KCNH1: variants seen among roughly 807,000 people sequenced by gnomAD.
KCNH1 encodes potassium voltage-gated channel subfamily H member 1.
Under a neutral mutation model 69.2 loss-of-function variants are expected in KCNH1, and 27 were observed. The ratio of observed to expected loss-of-function variants is 0.39; its 90% CI spans 0.29 to 0.54. KCNH1 has a LOEUF of 0.54. Among genes scored for constraint, KCNH1 ranks in the 20% least tolerant of loss-of-function variants. The pLI is 0.68. For synonymous variants in KCNH1, 456 were observed against 487.7 expected, an observed-to-expected ratio of 0.93 and a Z score of 0.86; for missense variants, 798 against 1,261.6, an observed-to-expected ratio of 0.63 and a Z score of 5.57.
chr1:210,718,251 CTATAAATAT>C (rs71146243), intron 10 of KCNH1, among the ~76,000 whole-genome samples: 55,470 of 122,988 alleles, frequency 0.45, 13,763 homozygotes, highest in African/African-American at 0.58. Flanking sequence ...ACTAAGTCTT[CTATAAATAT>C]TATAAATATA....
chr1:211,044,501 C>T (rs1191633674), intron 5 of KCNH1, among the ~76,000 whole-genome samples: 1 of 152,154 alleles, frequency 6.6e-6, no homozygotes, highest in African/African-American at 2.4e-5. Flanking sequence ...AAAATCTTCA[C>T]AATCTATACA....
chr1:210,871,268 A>C (rs1052142961), intron 7 of KCNH1, among the ~76,000 whole-genome samples: 22 of 152,232 alleles, frequency 1.4e-4, no homozygotes, highest in African/African-American at 5.3e-4. Context: ...TCTCTAAAGA[A>C]GACATTTATG....
chr1:210,718,467 A>G (rs374854012), intron 10 of KCNH1, among the ~76,000 whole-genome samples: 712 of 28,738 alleles, frequency 0.025, 166 homozygotes, highest in Non-Finnish European at 0.032. Context: ...ACATATATGT[A>G]TATATATAAA....
intron 5 of KCNH1, among the ~76,000 whole-genome samples, chr1:211,075,714 T>G (rs922014123): frequency 1.3e-5 from 2 of 152,170 alleles, no homozygotes; most frequent in African/African-American, 4.8e-5. Flanking sequence ...ACCTGGTTCA[T>G]TTCATTGGGA....
At chr1:211,035,658 G>C (rs1689884028) in intron 5 of KCNH1, among the ~76,000 whole-genome samples, 1 of 152,014 alleles carries the variant, frequency 6.6e-6, no homozygotes, top group African/African-American at 2.4e-5. Context: ...ATCTGACCTG[G>C]GATCTTACAT....
intron 6 of KCNH1, among the ~76,000 whole-genome samples, chr1:210,923,069 A>G (rs1687499543): frequency 6.6e-6 from 1 of 150,664 alleles, no homozygotes; most frequent in South Asian, 2.2e-4. Flanking sequence ...AAGAGATTAA[A>G]ACGACAGTGT....
At chr1:211,035,809 C>T (rs1689886737) in intron 5 of KCNH1, among the ~76,000 whole-genome samples, 1 of 152,198 alleles carries the variant, frequency 6.6e-6, no homozygotes, top group African/African-American at 2.4e-5. Context: ...TATTTCACAG[C>T]TAGTTAACTA....
At chr1:211,013,201 C>A (rs1041901855) in intron 6 of KCNH1, among the ~76,000 whole-genome samples, 1 of 152,176 alleles carries the variant, frequency 6.6e-6, no homozygotes, top group Non-Finnish European at 1.5e-5. Flanking sequence ...AAGTAATGAA[C>A]GTTGGTCCAA....
chr1:210,907,105 T>C (rs1048604106), intron 7 of KCNH1, among the ~76,000 whole-genome samples: 3 of 152,174 alleles, frequency 2.0e-5, no homozygotes, highest in Non-Finnish European at 2.9e-5. Flanking sequence ...AAATTTAAAA[T>C]TGTAACTTGG....
chr1:210,697,698 C>T (rs1354420314), intron 10 of KCNH1, among the ~76,000 whole-genome samples: 1 of 152,208 alleles, frequency 6.6e-6, no homozygotes, highest in Non-Finnish European at 1.5e-5. Flanking sequence ...TCCTTCTGGC[C>T]CATGGCCAGG....
Position 210,934,616 on chromosome 1 carries a change from G to A in KCNH1, c.1033-14547C>T, listed in dbSNP as rs1051766484. 1.3e-4 allele frequency among the ~76,000 whole-genome samples: 20 copies of A among 152,002 alleles called. 1 individual carries two copies. In the South Asian group the frequency reaches 3.1e-3, roughly 24 times the overall value. On this transcript the variant is annotated intron_variant, in intron 6 of 10. Coordinates refer to ENST00000271751, the MANE Select transcript of KCNH1 (RefSeq NM_172362.3). ...AGCGTGCCACTGCACTCCAGCCTGG[G>A]TGACAGAGCAAGACTCCGTCTCAAA...
chr1:210,952,990 C>T (rs1375137552), intron 6 of KCNH1, among the ~76,000 whole-genome samples: 1 of 152,070 alleles, frequency 6.6e-6, no homozygotes, highest in Admixed American at 6.6e-5. Flanking sequence ...TTATAATGTG[C>T]TATTATAGCT....
chr1:210,969,915 G>C (rs1165264150), intron 6 of KCNH1, among the ~76,000 whole-genome samples: 2 of 151,252 alleles, frequency 1.3e-5, no homozygotes, highest in Non-Finnish European at 2.9e-5. Flanking sequence ...TTTTGTTTTT[G>C]AGACAGGGTT....
chr1:210,731,082 G>C (rs553900416), intron 10 of KCNH1, among the ~76,000 whole-genome samples: 2 of 152,310 alleles, frequency 1.3e-5, no homozygotes, highest in African/African-American at 4.8e-5. Flanking sequence ...GAAAAGGTTT[G>C]AGAGTTATCT....
At chr1:210,722,129 A>G (rs1682483501) in intron 10 of KCNH1, among the ~76,000 whole-genome samples, 1 of 152,220 alleles carries the variant, frequency 6.6e-6, no homozygotes, top group South Asian at 2.1e-4. Context: ...AAAGACATAA[A>G]AAAGAAAATC....
At chr1:211,109,790 C>A (rs574794303) in intron 1 of KCNH1, among the ~76,000 whole-genome samples, 14 of 149,588 alleles carry the variant, frequency 9.4e-5, no homozygotes, top group African/African-American at 3.4e-4. Context: ...GAAGAAGCAG[C>A]AATATTATAG....
At chr1:210,748,592 A>G (rs778982500) in intron 10 of KCNH1, among the ~76,000 whole-genome samples, 16 of 152,186 alleles carry the variant, frequency 1.1e-4, no homozygotes, top group Non-Finnish European at 2.4e-4. Context: ...CTCTATCAAA[A>G]TACATTGCTC....
At chr1:210,734,779 C>T (rs993951011) in intron 10 of KCNH1, among the ~76,000 whole-genome samples, 18 of 151,868 alleles carry the variant, frequency 1.2e-4, no homozygotes, top group Non-Finnish European at 1.8e-4. Flanking sequence ...GAGAGGGTAC[C>T]CGTTTGAACA....
At chr1:210,984,054 C>G (rs893162639) in intron 6 of KCNH1, among the ~76,000 whole-genome samples, 1 of 152,102 alleles carries the variant, frequency 6.6e-6, no homozygotes, top group Non-Finnish European at 1.5e-5. Context: ...GGAGTTCACT[C>G]ATGATTTGGC....
Sources: allele counts gnomAD v4.1 joint callset (sites outside exome capture counted in the v4.1 genomes callset), GRCh38; gene constraint gnomAD v4.1.1; transcripts MANE v1.5; gene names NCBI Gene and HGNC (gene_info 2026-07-23, HGNC 2026-07-21).